The following MTRR variants were observed in gnomAD, a reference collection of about 807,000 sequenced individuals.
MTRR encodes the protein methionine synthase reductase.
In MTRR, 63 loss-of-function variants were observed where a neutral mutation model predicts 79.2. The ratio of observed to expected loss-of-function variants is 0.80; its 90% CI spans 0.65 to 0.98. The LOEUF (loss-of-function observed/expected upper bound fraction) is 0.98, where lower values mean the gene tolerates loss of function less well. Among genes scored for constraint, MTRR ranks in the 50% least tolerant of loss-of-function variants. The pLI is 0.00. For synonymous variants in MTRR, 355 were observed against 313.3 expected, an observed-to-expected ratio of 1.13 and a Z score of -1.41; for missense variants, 895 against 839.6, an observed-to-expected ratio of 1.07 and a Z score of -0.82.
At chr5:7,887,738 ATATATGTGTGTG>A (rs1378074654) in intron 8 of MTRR, among the ~76,000 whole-genome samples, 21 of 145,414 alleles carry the variant, frequency 1.4e-4, no homozygotes, top group African/African-American at 4.8e-4. Flanking sequence ...ATATGTGTAT[ATATATGTGTGTG>A]TATATATGTG....
exon 1 of MTRR, chr5:7,851,227 T>G: frequency 2.1e-6 from 1 of 470,568 alleles, no homozygotes; most frequent in Non-Finnish European, 3.4e-6. Flanking sequence ...CCCTCCTCCC[T>G]CCCGGCCCCT....
At chr5:7,859,870 T>C (rs1176829419) in intron 1 of MTRR, among the ~76,000 whole-genome samples, 2 of 152,294 alleles carry the variant, frequency 1.3e-5, no homozygotes, top group East Asian at 1.9e-4. Context: ...AGGTTGGTGA[T>C]CTAGTGCTAA....
intron 2 of MTRR, among the ~76,000 whole-genome samples, chr5:7,864,043 G>T (rs762589741): frequency 6.6e-6 from 1 of 152,124 alleles, no homozygotes; most frequent in Non-Finnish European, 1.5e-5. Context: ...TAGAGACAGG[G>T]TTTCACCATG....
At chr5:7,876,835 C>T (rs962341659) in intron 4 of MTRR, among the ~76,000 whole-genome samples, 2 of 152,208 alleles carry the variant, frequency 1.3e-5, no homozygotes, top group African/African-American at 4.8e-5. Context: ...TAGAAGAGTG[C>T]CTGTCGTCAT....
chr5:7,882,194 T>A (rs938883278), intron 5 of MTRR, among the ~76,000 whole-genome samples: 2 of 152,190 alleles, frequency 1.3e-5, no homozygotes, highest in African/African-American at 4.8e-5. Flanking sequence ...TCCCACAGGG[T>A]TCTCTGGAGC....
intron 1 of MTRR, among the ~76,000 whole-genome samples, chr5:7,855,654 T>G (rs1019632328): frequency 6.6e-6 from 1 of 152,106 alleles, no homozygotes; most frequent in African/African-American, 2.4e-5. Flanking sequence ...TGAGCCAGCT[T>G]TTCTTTCAAT....
upstream of MTRR, chr5:7,866,995 G>A (rs1001132397): frequency 5.6e-6 from 9 of 1,613,984 alleles, no homozygotes; most frequent in South Asian, 1.1e-5. Context: ...CCAACGTGAG[G>A]CACACCGCAG....
intron 11 of MTRR, among the ~76,000 whole-genome samples, chr5:7,895,338 T>A (rs943832538): frequency 1.2e-4 from 19 of 152,198 alleles, no homozygotes; most frequent in African/African-American, 4.1e-4. Flanking sequence ...TTATTTAAAA[T>A]TTTTCAACCT....
chr5:7,867,755 G>A, upstream of MTRR: 1 of 1,614,202 alleles, frequency 6.2e-7, no homozygotes, highest in Non-Finnish European at 8.5e-7. Flanking sequence ...TTCTGATGAA[G>A]TCAAGTTGCT....
rs149642094 is a variant in MTRR, at chr5:7,861,441, A to G, written n.392-510A>G. The G allele has an allele frequency of 2.8e-5, 18 of 635,046 alleles. No homozygotes were observed. The East Asian group carries it at 4.6e-4, about 16-fold the overall frequency. 39.3% of individuals were successfully genotyped at this position (635,046 alleles called of 1,614,324 possible). A position where few individuals can be genotyped will look rare whatever the true frequency, so the allele number is the denominator to read the frequency against. ...TAATGTTTATAAAATATTACAAGGA[A>G]TTTCCCAACATGGTATTCTGAAATG... On this transcript the variant is annotated intron_variant and non_coding_transcript_variant, in intron 1 of 3. Coordinates refer to the MTRR transcript ENST00000502509.
Position 7,861,659 on chromosome 5 carries a change from A to G in MTRR, n.392-292A>G, listed in dbSNP as rs112350561. 1.1e-5 allele frequency: 18 copies of G among 1,607,386 alleles called. No individual in the cohort carries two copies. In the African/African-American group the frequency reaches 1.3e-4, roughly 12 times the overall value. ...TCTAATTTAATTTCAACATCTGGTG[A>G]GAGAAGAAAGGAAAAATTCCTCGTG... is the stretch of plus-strand genomic sequence containing the variant. On this transcript the variant is annotated intron_variant and non_coding_transcript_variant, in intron 1 of 3. Transcript: ENST00000502509.
chr5:7,863,018 ATGTG>A, intron 2 of MTRR: 1 of 1,596,770 alleles, frequency 6.3e-7, no homozygotes, highest in South Asian at 1.1e-5. Flanking sequence ...ATAAGTGCAA[ATGTG>A]AGAAAGAAAA....
chr5:7,888,499 G>C (rs975205500), intron 8 of MTRR, among the ~76,000 whole-genome samples: 1 of 150,830 alleles, frequency 6.6e-6, no homozygotes, highest in Non-Finnish European at 1.5e-5. Flanking sequence ...CGTTGTTTTT[G>C]GTCAATGCTG....
chr5:7,886,234 TAAGAG>T (rs1470582403), intron 7 of MTRR, among the ~76,000 whole-genome samples: 2 of 152,252 alleles, frequency 1.3e-5, no homozygotes, highest in Non-Finnish European at 2.9e-5. Flanking sequence ...TTTCCATAAT[TAAGAG>T]AAGTTATTTA....
In MTRR at chr5:7,897,190, A is replaced by G. The variant is rs1473262246; in HGVS notation, c.1895A>G (p.His632Arg). Reference sequence around the variant, plus strand: ...TATGTGCAAGACAACATCCAGCTTCATGGCCAGCAGGTGGCGAGAATCCTC... The same window carrying G: ...TATGTGCAAGACAACATCCAGCTTCGTGGCCAGCAGGTGGCGAGAATCCTC... ...AKYVQDNIQL[H>R]GQQVARILLQ... Residue 632 changes from histidine to arginine, a missense_variant, in exon 14 of 15, where the codon CAT becomes CGT. Coordinates refer to ENST00000440940, the MANE Select transcript of MTRR (RefSeq NM_002454.3). 1 of 1,614,188 alleles carries G rather than the reference A, an allele frequency of 6.2e-7. No individual in the cohort carries two copies. The highest frequency in any genetic ancestry group is 8.5e-7 in the Non-Finnish European group (1 of 1,180,044).
intron 3 of MTRR, among the ~76,000 whole-genome samples, chr5:7,874,959 T>A (rs796810107): frequency 2.2e-4 from 34 of 152,330 alleles, no homozygotes; most frequent in African/African-American, 7.5e-4. Context: ...GTCTGATCCT[T>A]GTTTTAAGAT....
chr5:7,861,264 C>A, intron 1 of MTRR: 1 of 1,487,842 alleles, frequency 6.7e-7, no homozygotes, highest in Admixed American at 2.0e-5. Context: ...CAGTGCTATC[C>A]TGAAAAATAA....
At chr5:7,882,082 ATCC>A (rs1365624190) in intron 5 of MTRR, among the ~76,000 whole-genome samples, 2 of 152,160 alleles carry the variant, frequency 1.3e-5, no homozygotes, top group African/African-American at 2.4e-5. Context: ...TTTTTAGGGC[ATCC>A]TCTTGACAGC....
At chr5:7,856,464 G>A (rs11738284) in intron 1 of MTRR, among the ~76,000 whole-genome samples, 2,256 of 152,206 alleles carry the variant, frequency 0.015, 28 homozygotes, top group Non-Finnish European at 0.024. Flanking sequence ...ACCCTTCACC[G>A]CGAGCTGTAC....
Sources: allele counts gnomAD v4.1 joint callset (sites outside exome capture counted in the v4.1 genomes callset), GRCh38; gene constraint gnomAD v4.1.1; transcripts MANE v1.5; gene names NCBI Gene and HGNC (gene_info 2026-07-23, HGNC 2026-07-21).